The following TTL variants were observed in gnomAD, a reference collection of about 807,000 sequenced individuals.
TTL encodes tubulin--tyrosine ligase.
A neutral mutation model predicts 41.1 loss-of-function variants in TTL; 10 were observed. The observed-to-expected ratio is 0.24, with a 90% CI of 0.15 to 0.41. The LOEUF (loss-of-function observed/expected upper bound fraction) is 0.41, where lower values mean the gene tolerates loss of function less well. TTL is among the 10% of genes least tolerant of loss of function. TTL has a pLI of 1.00. For synonymous variants in TTL, 175 were observed against 175.5 expected, an observed-to-expected ratio of 1.00 and a Z score of 0.02; for missense variants, 367 against 460.4, an observed-to-expected ratio of 0.80 and a Z score of 1.86.
intron 1 of TTL, 97 bp from the exon 2 acceptor site, chr2:112,485,820 C>T: frequency 8.8e-7 from 1 of 1,134,108 alleles, no homozygotes; most frequent in African/African-American, 1.6e-5. Context: ...ACAGCCAATC[C>T]TGAGATGAGA....
chr2:112,497,879 C>T (rs1008737474), intron 3 of TTL, among the ~76,000 whole-genome samples: 3 of 152,190 alleles, frequency 2.0e-5, no homozygotes, highest in Non-Finnish European at 2.9e-5. Flanking sequence ...CGAACTGTCA[C>T]TACACTTTTA....
chr2:112,489,391 A>G (rs79890062), intron 2 of TTL, among the ~76,000 whole-genome samples: 128 of 152,328 alleles, frequency 8.4e-4, no homozygotes, highest in African/African-American at 3.0e-3. Flanking sequence ...CAGAAGATCT[A>G]TTTCCTTTAA....
intron 3 of TTL, among the ~76,000 whole-genome samples, chr2:112,498,587 T>C (rs1681600203): frequency 6.6e-6 from 1 of 152,176 alleles, no homozygotes; most frequent in Non-Finnish European, 1.5e-5. Context: ...CATTTTTGTA[T>C]AGACATGGAG....
intron 6 of TTL, 130 bp downstream of exon 6, chr2:112,520,555 A>T (rs1437090684): frequency 1.5e-6 from 2 of 1,300,112 alleles, no homozygotes; most frequent in Admixed American, 2.3e-5. Flanking sequence ...GACCCTTGGG[A>T]GGACTCTATC....
intron 5 of TTL, among the ~76,000 whole-genome samples, chr2:112,511,092 G>C (rs1191376213): frequency 6.6e-6 from 1 of 151,914 alleles, no homozygotes; most frequent in Non-Finnish European, 1.5e-5. Context: ...AACATGGTTT[G>C]CTGCAGCCTT....
chr2:112,520,730 C>T (rs1449404636), intron 6 of TTL: 4 of 294,778 alleles, frequency 1.4e-5, no homozygotes, highest in Admixed American at 8.3e-5. Context: ...CCAGCCTGGG[C>T]AGCCTGGCAA....
chr2:112,540,190 C>CACT lies in TTL; in HGVS notation c.*11396_*11398dup, dbSNP rs1401452765. The CACT allele has an allele frequency of 6.6e-6, 1 of 152,164 alleles. No homozygotes were observed. Among genetic ancestry groups the CACT allele is most frequent in the East Asian group, 1.9e-4 (1 of 5,198 alleles). The allele number at this position is 152,164 out of a possible 1,614,324, so 9.4% of individuals were successfully genotyped here. A position where few individuals can be genotyped will look rare whatever the true frequency, so the allele number is the denominator to read the frequency against. The stretch of plus-strand genomic sequence containing the variant: ...TGGTGGCTCACACCTGTAATCCCAG[C>CACT]ACTTTGGGCGGCCAAGGCAGATGGA... On this transcript the variant is annotated 3_prime_UTR_variant, in exon 7 of 7. Transcript: ENST00000233336.
chr2:112,490,568 CTTTTTTTTTTTTT>C (rs35722764), intron 2 of TTL, among the ~76,000 whole-genome samples: 1 of 110,684 alleles, frequency 9.0e-6, no homozygotes, highest in Admixed American at 1.1e-4. Context: ...CTTAGTAAAT[CTTTTTTTTTTTTT>C]TTTTTTTTTG....
chr2:112,494,398 T>C, intron 3 of TTL, 23 bp downstream of exon 3: 1 of 1,569,906 alleles, frequency 6.4e-7, no homozygotes, highest in Non-Finnish European at 8.7e-7. Flanking sequence ...TGCTGTCCCC[T>C]TCTCTATTCC....
chr2:112,502,936 G>C lies in TTL; in HGVS notation c.630G>C (p.Gln210His). 6.2e-7 allele frequency: 1 copy of C among 1,613,568 alleles called. No individual in the cohort carries two copies. The highest frequency in any genetic ancestry group is 1.7e-5 in the Admixed American group (1 of 59,912). The change falls in exon 5 of 7, where the codon CAG becomes CAC. Residue 210 changes from glutamine (Q) to histidine (H), a missense_variant. By Grantham distance (24) the Gln-to-His change is conservative (BLOSUM62 0). Transcript: ENST00000233336. ...GAAGCTGGGTCTTGGTGGATCATCA[G>C]TATAATATCTACCTCTATAGAGAGG... ...DIRSWVLVDH[Q>H]YNIYLYREGV...
chr2:112,519,531 G>A (rs1042775406), intron 5 of TTL, among the ~76,000 whole-genome samples: 27 of 148,560 alleles, frequency 1.8e-4, no homozygotes, highest in Non-Finnish European at 3.1e-4. Flanking sequence ...TAGAACTAGC[G>A]ACATCGTGAG....
At chr2:112,503,399 G>GTATA (rs891235981) in intron 5 of TTL, among the ~76,000 whole-genome samples, 14 of 125,462 alleles carry the variant, frequency 1.1e-4, no homozygotes, top group African/African-American at 4.0e-4. Flanking sequence ...GTGTGTGTGT[G>GTATA]TGTGTATATA....
At chr2:112,501,782 A>T (rs532575573) in intron 4 of TTL, among the ~76,000 whole-genome samples, 1 of 151,674 alleles carries the variant, frequency 6.6e-6, no homozygotes, top group East Asian at 1.9e-4. Flanking sequence ...AAGGAGAATC[A>T]CTTGAACCAG....
At chr2:112,520,614 AGGC>A in intron 6 of TTL, 189 bp downstream of exon 6, 1 of 715,744 alleles carries the variant, frequency 1.4e-6, no homozygotes, top group Non-Finnish European at 2.2e-6. Context: ...CCCCGTGTAT[AGGC>A]CAGATAGGCC....
chr2:112,492,575 A>C (rs1484773998), intron 2 of TTL, among the ~76,000 whole-genome samples: 1 of 152,162 alleles, frequency 6.6e-6, no homozygotes, highest in Non-Finnish European at 1.5e-5. Flanking sequence ...CTAAAAGTAC[A>C]AAAAAATTAG....
chr2:112,519,442 A>G (rs1268715873), intron 5 of TTL, among the ~76,000 whole-genome samples: 1 of 152,104 alleles, frequency 6.6e-6, no homozygotes, highest in Non-Finnish European at 1.5e-5. Context: ...GTTGCTAATA[A>G]TACTTCTACA....
intron 5 of TTL, among the ~76,000 whole-genome samples, chr2:112,509,501 G>A (rs560570289): frequency 1.2e-4 from 19 of 152,362 alleles, no homozygotes; most frequent in African/African-American, 4.6e-4. Context: ...AGCCAGGTGT[G>A]GGATATAATC....
chr2:112,485,546 C>T (rs965592556), intron 1 of TTL, among the ~76,000 whole-genome samples: 1 of 152,120 alleles, frequency 6.6e-6, no homozygotes, highest in Non-Finnish European at 1.5e-5. Flanking sequence ...GTTAAAGTAG[C>T]CTTATTGTAC....
chr2:112,541,359 C>CA lies in TTL; in HGVS notation c.*12565dup, dbSNP rs1311199541. The CA allele has an allele frequency of 6.6e-6, 1 of 152,156 alleles. No individual in the cohort carries two copies. The allele number at this position is 152,156 out of a possible 1,614,324, so 9.4% of individuals were successfully genotyped here. ...GGCTATATAAAGAACTACAACTACT[C>CA]AGTTGGCCGGGCGCGCGCGGTGGCT... On this transcript the variant is annotated 3_prime_UTR_variant, in exon 7 of 7. Coordinates refer to ENST00000233336, the MANE Select transcript of TTL (RefSeq NM_153712.5).
Sources: allele counts gnomAD v4.1 joint callset (sites outside exome capture counted in the v4.1 genomes callset), GRCh38; gene constraint gnomAD v4.1.1; transcripts MANE v1.5; gene names NCBI Gene and HGNC (gene_info 2026-07-23, HGNC 2026-07-21).